Variants in NAA15 observed in about 807,000 individuals in gnomAD.
NAA15 encodes the protein N-terminal acetyltransferase.
A neutral mutation model predicts 114.0 loss-of-function variants in NAA15; 34 were observed. The observed-to-expected ratio is 0.30, with a 90% CI of 0.23 to 0.40. NAA15 has a LOEUF of 0.40. NAA15 is among the 10% of genes least tolerant of loss of function. NAA15 has a pLI of 1.00. For missense variants in NAA15, 658 were observed against 1,004.5 expected, an observed-to-expected ratio of 0.66 and a Z score of 4.66; for synonymous variants, 340 against 338.0, an observed-to-expected ratio of 1.01 and a Z score of -0.06.
intron 6 of NAA15, among the ~76,000 whole-genome samples, chr4:139,346,168 G>A (rs540024765): frequency 6.6e-6 from 1 of 152,258 alleles, no homozygotes; most frequent in Admixed American, 6.5e-5. Flanking sequence ...GTCATGTGAA[G>A]GATTAATTTA....
intron 11 of NAA15, among the ~76,000 whole-genome samples, chr4:139,357,791 A>G (rs565612839): frequency 6.6e-6 from 1 of 152,362 alleles, no homozygotes; most frequent in Admixed American, 6.5e-5. Context: ...ATGTATATGT[A>G]TTCACACGTA....
At chr4:139,336,076 G>A (rs563359457) in intron 2 of NAA15, among the ~76,000 whole-genome samples, 33 of 152,148 alleles carry the variant, frequency 2.2e-4, no homozygotes, top group Non-Finnish European at 4.3e-4. Context: ...TTTTTAAACG[G>A]TACATGTTGA....
intron 14 of NAA15, among the ~76,000 whole-genome samples, chr4:139,369,941 A>C (rs1748388538): frequency 6.6e-6 from 1 of 151,974 alleles, no homozygotes; most frequent in Non-Finnish European, 1.5e-5. Context: ...AGTAGCAGGG[A>C]TTACAGGTGC....
chr4:139,340,842 A>G lies in NAA15; in HGVS notation c.245-70A>G, dbSNP rs912605545. On this transcript the variant is annotated intron_variant, in intron 3 of 19. Transcript: ENST00000296543. Reference sequence around the variant, plus strand: ...TTTTATAAATGGCTGTGGTTCTCCAAGTTTTTTGGGAGGTCGTTTGGAATA... The same window carrying G: ...TTTTATAAATGGCTGTGGTTCTCCAGGTTTTTTGGGAGGTCGTTTGGAATA... 4.7e-6 allele frequency: 6 copies of G among 1,282,348 alleles called. 1 individual carries two copies. Among genetic ancestry groups the G allele is most frequent in the East Asian group, 2.7e-5 (1 of 37,734 alleles). 79.4% of individuals were successfully genotyped at this position (1,282,348 alleles called of 1,614,324 possible).
intron 14 of NAA15, 35 bp from the exon 15 acceptor site, chr4:139,370,176 C>T (rs1244882215): frequency 7.1e-7 from 1 of 1,407,022 alleles, no homozygotes; most frequent in East Asian, 2.4e-5. Flanking sequence ...GATTAACATG[C>T]TTGTTAATTT....
intron 9 of NAA15, among the ~76,000 whole-genome samples, chr4:139,352,662 C>CTTTTTT (rs746490411): frequency 3.5e-4 from 36 of 103,288 alleles, no homozygotes; most frequent in Non-Finnish European, 4.1e-4. Context: ...CATAAAATAT[C>CTTTTTT]TTTTTTTTTT....
intron 1 of NAA15, among the ~76,000 whole-genome samples, chr4:139,310,205 A>T (rs1383226886): frequency 6.6e-6 from 1 of 152,204 alleles, no homozygotes; most frequent in East Asian, 1.9e-4. Context: ...CTGTAATCCC[A>T]GCACTTTGGG....
chr4:139,330,769 A>T (rs1426117711), intron 1 of NAA15, among the ~76,000 whole-genome samples: 1 of 152,172 alleles, frequency 6.6e-6, no homozygotes, highest in Non-Finnish European at 1.5e-5. Context: ...TGTGATTGAG[A>T]CACTGTACTC....
intron 11 of NAA15, 85 bp from the exon 12 acceptor site, chr4:139,359,658 T>A: frequency 7.4e-7 from 1 of 1,357,938 alleles, no homozygotes; most frequent in Non-Finnish European, 1.0e-6. Context: ...CATTTGTTTT[T>A]AAATTATTTA....
Position 139,347,770 on chromosome 4 carries a change from C to T in NAA15, c.692-1692C>T, listed in dbSNP as rs986520005. Among the ~76,000 whole-genome samples, 8 of 151,960 alleles carry T rather than the reference C, an allele frequency of 5.3e-5. No homozygotes were observed. The East Asian group carries it at 1.2e-3, about 22-fold the overall frequency. On this transcript the variant is annotated intron_variant, in intron 6 of 19. Transcript: ENST00000296543. ...TAAGTCGGCCGGGCGCGGTGGCTCA[C>T]GCCTGTAATCCCAGCACTTTGGGAG...
chr4:139,303,169 C>T lies in NAA15; in HGVS notation c.54+1338C>T, dbSNP rs552528518. The stretch of plus-strand genomic sequence containing the variant: ...CATTAGAAAGTCACATGCAGTGTCG[C>T]AAAACTGTTACCTTGAAATTCTTAC... On this transcript the variant is annotated intron_variant, in intron 1 of 19. Coordinates refer to ENST00000296543, the MANE Select transcript of NAA15 (RefSeq NM_057175.5). Among the ~76,000 whole-genome samples, 498 of 152,244 alleles carry T rather than the reference C, an allele frequency of 3.3e-3. 4 individuals carry two copies. The highest frequency in any genetic ancestry group is 0.012 in the African/African-American group (480 of 41,542).
chr4:139,351,578 T>TA lies in NAA15; in HGVS notation c.982dup (p.Thr328AsnfsTer23). ...GCAAGGGTTGCCCACCAGTCTTCAA[T>TA]ACTTTAAGATCATTATACAAAGACA... On this transcript the variant is annotated frameshift_variant, in exon 9 of 20. Transcript: ENST00000296543. LOFTEE classifies it high-confidence loss of function. 6.3e-7 allele frequency: 1 copy of TA among 1,585,830 alleles called. No homozygotes were observed. The highest frequency in any genetic ancestry group is 8.7e-7 in the Non-Finnish European group (1 of 1,154,462).
chr4:139,328,568 C>CT (rs1746883915), intron 1 of NAA15, among the ~76,000 whole-genome samples: 1 of 123,710 alleles, frequency 8.1e-6, no homozygotes, highest in Non-Finnish European at 1.8e-5. Flanking sequence ...CTTTTTCTTT[C>CT]TTTTCTTTTT....
At chr4:139,311,084 C>T (rs1746209397) in intron 1 of NAA15, among the ~76,000 whole-genome samples, 1 of 151,634 alleles carries the variant, frequency 6.6e-6, no homozygotes, top group Admixed American at 6.6e-5. Flanking sequence ...GCCACCATGC[C>T]TGGCTAAACA....
chr4:139,302,181 G>C (rs1442167903), intron 1 of NAA15: 1 of 262,984 alleles, frequency 3.8e-6, no homozygotes. Context: ...GTCGCGGCCC[G>C]GTTGGTGTGG....
At chr4:139,369,343 G>A (rs1748369159) in intron 14 of NAA15, among the ~76,000 whole-genome samples, 1 of 152,152 alleles carries the variant, frequency 6.6e-6, no homozygotes, top group Non-Finnish European at 1.5e-5. Context: ...TGTTTAACTT[G>A]TATGTTTTGC....
chr4:139,350,782 A>G (rs1747753790), intron 7 of NAA15, among the ~76,000 whole-genome samples: 1 of 152,244 alleles, frequency 6.6e-6, no homozygotes, highest in Non-Finnish European at 1.5e-5. Context: ...ACCAATTAGG[A>G]ATCTGAAATG....
intron 14 of NAA15, among the ~76,000 whole-genome samples, chr4:139,366,905 A>G (rs1257341452): frequency 6.6e-6 from 1 of 152,230 alleles, no homozygotes; most frequent in Non-Finnish European, 1.5e-5. Flanking sequence ...CACCACGCCC[A>G]GCTTACATTA....
chr4:139,361,634 C>T (rs1560974477), intron 13 of NAA15, 90 bp from the exon 14 acceptor site: 13 of 751,040 alleles, frequency 1.7e-5, no homozygotes, highest in Admixed American at 3.4e-5. Flanking sequence ...TTTTTCATGC[C>T]AAAGTAACAA....
Sources: gnomAD v4.1 joint callset for allele counts (sites outside exome capture counted in the v4.1 genomes callset) on GRCh38, gnomAD v4.1.1 for gene constraint, MANE v1.5 for transcripts, NCBI Gene and HGNC (gene_info 2026-07-23, HGNC 2026-07-21) for gene names.